The following SPRY3 variants were observed in gnomAD, a reference collection of about 807,000 sequenced individuals.
The protein encoded by SPRY3 is sprouty RTK signaling antagonist 3, also known as protein sprouty homolog 3.
A neutral mutation model predicts 20.2 loss-of-function variants in SPRY3; 15 were observed. That is an observed-to-expected ratio of 0.74 (90% CI 0.50 to 1.14). The LOEUF (loss-of-function observed/expected upper bound fraction) is 1.14. SPRY3 is among the 50% of genes most tolerant of loss of function. The probability of loss-of-function intolerance (pLI) is 0.00; values close to 1 mark genes in which losing one functional copy is unlikely to be tolerated. For synonymous variants in SPRY3, 143 were observed against 136.5 expected, an observed-to-expected ratio of 1.05 and a Z score of -0.33; for missense variants, 364 against 363.9, an observed-to-expected ratio of 1.00 and a Z score of 0.00.
intron 2 of SPRY3, among the ~76,000 whole-genome samples, chrX:155,719,420 A>G (rs1409280538): frequency 2.0e-5 from 3 of 152,098 alleles, no homozygotes; most frequent in Admixed American, 2.0e-4. Context: ...GGCGAGTCCT[A>G]GTGCTGAACT....
chrX:155,739,864 A>G (rs2091194405), intron 2 of SPRY3, among the ~76,000 whole-genome samples: 1 of 152,186 alleles, frequency 6.6e-6, no homozygotes, highest in Non-Finnish European at 1.5e-5. Context: ...ATGAGAAAGA[A>G]TCAATGCAAA....
intron 3 of SPRY3, among the ~76,000 whole-genome samples, chrX:155,772,219 A>C (rs1603007963): frequency 6.6e-6 from 1 of 152,310 alleles, no homozygotes; most frequent in East Asian, 1.9e-4. Flanking sequence ...CTTTTCAAGT[A>C]ATGAGCAGAT....
intron 2 of SPRY3, among the ~76,000 whole-genome samples, chrX:155,673,051 T>C (rs1378858533): frequency 7.8e-4 from 31 of 39,749 alleles, no homozygotes; most frequent in African/African-American, 2.2e-3. Flanking sequence ...AACATCACAC[T>C]CTGGGGACTG....
intron 2 of SPRY3, among the ~76,000 whole-genome samples, chrX:155,747,732 C>G (rs781075223): frequency 6.6e-6 from 1 of 152,092 alleles, no homozygotes; most frequent in East Asian, 1.9e-4. Flanking sequence ...AAGGCCAACT[C>G]TGAGGAAGAC....
At chrX:155,714,243 GGATGGT>G (rs1359212427) in intron 2 of SPRY3, among the ~76,000 whole-genome samples, 1 of 152,054 alleles carries the variant, frequency 6.6e-6, no homozygotes. Flanking sequence ...TTCTTTTCCT[GGATGGT>G]GTTGATGCTT....
intron 1 of SPRY3, among the ~76,000 whole-genome samples, chrX:155,644,142 G>C (rs2067950538): frequency 9.0e-6 from 1 of 110,854 alleles, no homozygotes; most frequent in South Asian, 3.9e-4. Flanking sequence ...ATTTTTGCCA[G>C]ATATACTATT....
intron 2 of SPRY3, among the ~76,000 whole-genome samples, chrX:155,755,527 T>C (rs2091280671): frequency 6.6e-6 from 1 of 152,076 alleles, no homozygotes; most frequent in South Asian, 2.1e-4. Flanking sequence ...TTGGCCTCAG[T>C]TGCCCTATTC....
chrX:155,626,284 A>G (rs2067887911), intron 1 of SPRY3, among the ~76,000 whole-genome samples: 1 of 111,117 alleles, frequency 9.0e-6, no homozygotes, highest in Non-Finnish European at 1.9e-5. Flanking sequence ...TTAGATTTTT[A>G]TTTCTCTAGG....
At position 155,707,504 on chromosome X, in the gene SPRY3, G is replaced by T. The variant is rs1245805575; in HGVS notation, c.-282+50479G>T. 4.0e-5 allele frequency among the ~76,000 whole-genome samples: 6 copies of T among 151,286 alleles called. No homozygotes were observed. The East Asian group carries it at 1.2e-3, about 29-fold the overall frequency. Reference sequence around the variant, plus strand: ...GTCAGGTCACACTGGTGTTGTTCAAGTTTTCTCTTCATCTTTACTAATATC... The same window carrying T: ...GTCAGGTCACACTGGTGTTGTTCAATTTTTCTCTTCATCTTTACTAATATC... On this transcript the variant is annotated intron_variant, in intron 2 of 3. Coordinates refer to ENST00000675360, the Ensembl canonical transcript of SPRY3.
At chrX:155,737,139 T>G (rs2091175502) in intron 2 of SPRY3, among the ~76,000 whole-genome samples, 2 of 152,200 alleles carry the variant, frequency 1.3e-5, no homozygotes, top group African/African-American at 4.8e-5. Flanking sequence ...ACATATTAGT[T>G]ATACCTATTT....
At chrX:155,625,376 A>G (rs782301399) in intron 1 of SPRY3, among the ~76,000 whole-genome samples, 2 of 111,583 alleles carry the variant, frequency 1.8e-5, no homozygotes, top group Non-Finnish European at 3.8e-5. Context: ...AATGTTTAGG[A>G]TGTACCTATA....
chrX:155,766,242 C>G (rs1197311679), intron 2 of SPRY3, among the ~76,000 whole-genome samples: 1 of 152,150 alleles, frequency 6.6e-6, no homozygotes, highest in African/African-American at 2.4e-5. Context: ...CAGACCCACA[C>G]AGCCGTACTT....
chrX:155,773,938 G>A, exon 4 of SPRY3: 1 of 1,613,974 alleles, frequency 6.2e-7, no homozygotes, highest in Non-Finnish European at 8.5e-7. Context: ...CTCTACTCAT[G>A]CTAGCAATGA....
At chrX:155,692,166 TAGTAAATGGGTAC>T (rs1228934364) in intron 2 of SPRY3, among the ~76,000 whole-genome samples, 4 of 109,514 alleles carry the variant, frequency 3.7e-5, no homozygotes, top group African/African-American at 1.4e-4. Flanking sequence ...AAAGAGGGAA[TAGTAAATGGGTAC>T]AGCTTTATAT....
At chrX:155,752,659 A>T (rs2091269019) in intron 2 of SPRY3, among the ~76,000 whole-genome samples, 1 of 151,864 alleles carries the variant, frequency 6.6e-6, no homozygotes, top group African/African-American at 2.4e-5. Context: ...ATTTATATTT[A>T]AAAGTATTGA....
At chrX:155,644,799 A>G (rs926940499) in intron 1 of SPRY3, among the ~76,000 whole-genome samples, 30 of 111,083 alleles carry the variant, frequency 2.7e-4, no homozygotes, top group African/African-American at 9.5e-4. Context: ...GCCTAGAATC[A>G]GGGACCCCAA....
chrX:155,727,228 C>G (rs1007810377), intron 2 of SPRY3, among the ~76,000 whole-genome samples: 8 of 152,102 alleles, frequency 5.3e-5, no homozygotes, highest in African/African-American at 1.9e-4. Flanking sequence ...CTCTGGCTGC[C>G]CTTAACATTT....
Position 155,737,716 on chromosome X carries a change from G to A in SPRY3, c.-281-30246G>A, listed in dbSNP as rs749901416. ...TGACTGGGGGATAGAGAACAGGGTG[G>A]CAAAAATAAGACTGGAGAGGACCCA... On this transcript the variant is annotated intron_variant, in intron 2 of 3. Transcript: ENST00000675360. 3.0e-4 allele frequency among the ~76,000 whole-genome samples: 45 copies of A among 152,230 alleles called. No homozygotes were observed. In the South Asian group the frequency reaches 3.3e-3, roughly 11 times the overall value.
chrX:155,762,624 C>T (rs1324610797), intron 2 of SPRY3, among the ~76,000 whole-genome samples: 2 of 152,008 alleles, frequency 1.3e-5, no homozygotes, highest in Non-Finnish European at 2.9e-5. Flanking sequence ...GAGCAGGTAG[C>T]TTGTGGTTTT....
Sources: gnomAD v4.1 joint callset for allele counts (sites outside exome capture counted in the v4.1 genomes callset) on GRCh38, gnomAD v4.1.1 for gene constraint, MANE v1.5 for transcripts, NCBI Gene and HGNC (gene_info 2026-07-23, HGNC 2026-07-21) for gene names.